The following TTC33 variants were observed in gnomAD, a reference collection of about 807,000 sequenced individuals.
TTC33 encodes tetratricopeptide repeat protein 33.
A neutral mutation model predicts 29.4 loss-of-function variants in TTC33; 24 were observed. The observed-to-expected ratio is 0.82, with a 90% CI of 0.59 to 1.15. TTC33 has a LOEUF of 1.15. Among genes scored for constraint, TTC33 ranks in the 50% most tolerant of loss-of-function variants. The probability of loss-of-function intolerance (pLI) is 0.00; values close to 1 mark genes in which losing one functional copy is unlikely to be tolerated. For synonymous variants in TTC33, 107 were observed against 100.3 expected, an observed-to-expected ratio of 1.07 and a Z score of -0.40; for missense variants, 286 against 310.4, an observed-to-expected ratio of 0.92 and a Z score of 0.59.
intron 1 of TTC33, among the ~76,000 whole-genome samples, chr5:40,749,947 G>A (rs1211010966): frequency 6.6e-6 from 1 of 152,000 alleles, no homozygotes; most frequent in East Asian, 1.9e-4. Context: ...AATTATCCGG[G>A]CGTGGTGGCA....
In TTC33 at chr5:40,739,143, A is replaced by T. The variant is rs189877415; in HGVS notation, c.221+7655T>A. On this transcript the variant is annotated intron_variant, in intron 2 of 4. Coordinates refer to ENST00000337702, the MANE Select transcript of TTC33 (RefSeq NM_012382.3). ...ATCTTTACACTAGTACTATAAAGGTATAACATTCAAAAACACAGTTAAGGA... is the reference window on the plus strand; with the variant it reads ...ATCTTTACACTAGTACTATAAAGGTTTAACATTCAAAAACACAGTTAAGGA... Among the ~76,000 whole-genome samples the T allele has an allele frequency of 5.4e-3, 824 of 152,344 alleles. 6 individuals carry two copies. Among genetic ancestry groups the T allele is most frequent in the Non-Finnish European group, 9.7e-3 (663 of 68,038 alleles).
At chr5:40,741,657 T>C (rs746529276) in intron 2 of TTC33, among the ~76,000 whole-genome samples, 2 of 152,182 alleles carry the variant, frequency 1.3e-5, no homozygotes, top group Non-Finnish European at 2.9e-5. Context: ...TTTCCTCTTC[T>C]GTGTGCCCAT....
rs1466682518 is a variant in TTC33, at chr5:40,712,555, T to TA, written c.*3589dup. ...CTTAGAATTAGACAGACCTGCTTAC[T>TA]AAGGCATGGGCAGTTCTGCACAAGC... On this transcript the variant is annotated 3_prime_UTR_variant, in exon 5 of 5. Coordinates refer to ENST00000337702, the MANE Select transcript of TTC33 (RefSeq NM_012382.3). Among the ~76,000 whole-genome samples the TA allele has an allele frequency of 6.6e-6, 1 of 152,180 alleles. No homozygotes were observed. The highest frequency in any genetic ancestry group is 1.9e-4 in the East Asian group (1 of 5,204).
intron 4 of TTC33, among the ~76,000 whole-genome samples, chr5:40,726,413 T>C (rs1189766847): frequency 6.6e-6 from 1 of 151,844 alleles, no homozygotes; most frequent in Non-Finnish European, 1.5e-5. Flanking sequence ...TCTAGCTTGC[T>C]TTCAATATAT....
chr5:40,745,595 C>T (rs1742775348), intron 2 of TTC33, among the ~76,000 whole-genome samples: 1 of 151,780 alleles, frequency 6.6e-6, no homozygotes, highest in African/African-American at 2.4e-5. Flanking sequence ...CAGAGTCACA[C>T]CTCATCGTAG....
At chr5:40,721,000 C>T (rs1377176021) in intron 4 of TTC33, among the ~76,000 whole-genome samples, 1 of 152,092 alleles carries the variant, frequency 6.6e-6, no homozygotes, top group African/African-American at 2.4e-5. Context: ...CCAGAGATAA[C>T]GGAGGTTTGG....
chr5:40,712,177 T>C lies in TTC33; in HGVS notation c.*3968A>G, dbSNP rs1015979876. On this transcript the variant is annotated 3_prime_UTR_variant, in exon 5 of 5. Transcript: ENST00000337702. ...GAGTCAACAATGTGGTCTGTCACAA[T>C]TCCAACTCAGCAGACCTTTTAAATA... Among the ~76,000 whole-genome samples, 5 of 152,156 alleles carry C rather than the reference T, an allele frequency of 3.3e-5. No individual in the cohort carries two copies. The East Asian group carries it at 9.6e-4, about 29-fold the overall frequency.
At chr5:40,728,586 C>T (rs1742351932) in intron 3 of TTC33, 110 bp from the exon 4 acceptor site, 3 of 1,072,694 alleles carry the variant, frequency 2.8e-6, no homozygotes, top group Non-Finnish European at 3.8e-6. Context: ...GTAAAAATAG[C>T]ATTTCGGTGA....
chr5:40,747,422 T>A (rs1742817503), intron 1 of TTC33, among the ~76,000 whole-genome samples: 1 of 152,106 alleles, frequency 6.6e-6, no homozygotes, highest in Admixed American at 6.5e-5. Context: ...AGGATTAGAC[T>A]ATCACCATTT....
intron 1 of TTC33, among the ~76,000 whole-genome samples, chr5:40,755,058 A>C (rs1742960143): frequency 6.6e-6 from 1 of 152,200 alleles, no homozygotes; most frequent in Non-Finnish European, 1.5e-5. Context: ...GAAACCAGAC[A>C]AATTCAACCT....
intron 4 of TTC33, among the ~76,000 whole-genome samples, chr5:40,718,762 G>T (rs562287371): frequency 1.4e-4 from 21 of 151,536 alleles, no homozygotes; most frequent in Admixed American, 2.6e-4. Context: ...TTAGCTGGGT[G>T]TAGTGGTGTA....
rs755939889 is a variant in TTC33 at position 40,716,308 on chromosome 5, T to A, written c.626A>T (p.Asp209Val). The A allele has an allele frequency of 1.9e-6, 3 of 1,614,222 alleles. No individual in the cohort carries two copies. Among genetic ancestry groups the A allele is most frequent in the South Asian group, 1.1e-5 (1 of 91,090 alleles). The change falls in exon 5 of 5, where the codon GAT becomes GTT. Residue 209 changes from aspartate to valine, a missense_variant. Transcript: ENST00000337702. ...AGCTGCACAAACAGCAACAATCTCATCACTTTCAAAGTCATAGTCTGGAAT... is the reference window on the plus strand; with the variant it reads ...AGCTGCACAAACAGCAACAATCTCAACACTTTCAAAGTCATAGTCTGGAAT... ...KSIPDYDFES[D>V]EIVAVCAAIA... is the part of the protein sequence containing the mutation.
intron 4 of TTC33, among the ~76,000 whole-genome samples, chr5:40,724,170 C>T (rs911433017): frequency 2.0e-5 from 3 of 152,060 alleles, no homozygotes; most frequent in Admixed American, 2.0e-4. Context: ...GGTATACACA[C>T]AAAATGAAAT....
chr5:40,731,106 A>T (rs1742415902), intron 2 of TTC33, among the ~76,000 whole-genome samples: 1 of 152,174 alleles, frequency 6.6e-6, no homozygotes. Context: ...TGACAGGAAA[A>T]ACTTTGGAAA....
At chr5:40,755,217 G>C (rs1405809864) in intron 1 of TTC33, among the ~76,000 whole-genome samples, 3 of 152,206 alleles carry the variant, frequency 2.0e-5, no homozygotes, top group African/African-American at 7.2e-5. Flanking sequence ...GAGAGGGCTT[G>C]TCTTGAGTGT....
intron 1 of TTC33, among the ~76,000 whole-genome samples, chr5:40,749,892 AG>A (rs1275151407): frequency 2.0e-5 from 3 of 151,896 alleles, no homozygotes; most frequent in Non-Finnish European, 4.4e-5. Context: ...GTTTGAGACC[AG>A]CCTGACCAAC....
chr5:40,748,587 T>C (rs1244024612), intron 1 of TTC33, among the ~76,000 whole-genome samples: 1 of 152,210 alleles, frequency 6.6e-6, no homozygotes, highest in Non-Finnish European at 1.5e-5. Flanking sequence ...AACTGAAATA[T>C]TTCATATAAA....
intron 2 of TTC33, among the ~76,000 whole-genome samples, chr5:40,744,961 G>A (rs1742763304): frequency 6.6e-6 from 1 of 151,948 alleles, no homozygotes; most frequent in African/African-American, 2.4e-5. Flanking sequence ...ACATATACTT[G>A]CCAAAAATAT....
intron 1 of TTC33, among the ~76,000 whole-genome samples, chr5:40,754,101 G>C (rs1002852981): frequency 2.6e-5 from 4 of 152,132 alleles, no homozygotes; most frequent in Non-Finnish European, 4.4e-5. Context: ...ACAAGTATAA[G>C]TTATGGCCCA....
Sources: gnomAD v4.1 joint callset for allele counts (sites outside exome capture counted in the v4.1 genomes callset) on GRCh38, gnomAD v4.1.1 for gene constraint, MANE v1.5 for transcripts, NCBI Gene and HGNC (gene_info 2026-07-23, HGNC 2026-07-21) for gene names.